RUNDC3B: variants seen among roughly 807,000 people sequenced by gnomAD.
The protein encoded by RUNDC3B is RUN domain containing 3B.
In RUNDC3B, 33 loss-of-function variants were observed where a neutral mutation model predicts 58.4. The observed-to-expected ratio is 0.56, with a 90% confidence interval of 0.43 to 0.75. The LOEUF (loss-of-function observed/expected upper bound fraction) is 0.75. Among genes scored for constraint, RUNDC3B ranks in the 30% least tolerant of loss-of-function variants. The pLI is 0.00. For missense variants in RUNDC3B, 501 were observed against 535.7 expected (o/e 0.94, Z 0.64); for synonymous variants, 193 against 195.2 (o/e 0.99, Z 0.10).
chr7:87,687,793 T>G (rs1425264771), intron 2 of RUNDC3B, among the ~76,000 whole-genome samples: 1 of 152,206 alleles, frequency 6.6e-6, no homozygotes, highest in East Asian at 1.9e-4. Context: ...GAACTCTGGC[T>G]TGAACCTCAA....
chr7:87,818,225 TA>T (rs1394186434), intron 10 of RUNDC3B, among the ~76,000 whole-genome samples: 2 of 152,214 alleles, frequency 1.3e-5, no homozygotes, highest in Non-Finnish European at 2.9e-5. Flanking sequence ...AGGACAAGAG[TA>T]ATAATGAGCA....
At chr7:87,743,461 C>T (rs1361718743) in intron 6 of RUNDC3B, among the ~76,000 whole-genome samples, 1 of 152,176 alleles carries the variant, frequency 6.6e-6, no homozygotes, top group Non-Finnish European at 1.5e-5. Flanking sequence ...CTGTTTGCTG[C>T]ATCCACACCA....
chr7:87,662,494 A>G (rs1206676795), intron 2 of RUNDC3B, among the ~76,000 whole-genome samples: 1 of 152,126 alleles, frequency 6.6e-6, no homozygotes, highest in Non-Finnish European at 1.5e-5. Context: ...TCCCAGCACC[A>G]TTTATTGAAG....
intron 1 of RUNDC3B, among the ~76,000 whole-genome samples, chr7:87,632,272 T>C (rs1414324205): frequency 6.6e-6 from 1 of 152,236 alleles, no homozygotes; most frequent in East Asian, 1.9e-4. Flanking sequence ...AAAGCTTTAT[T>C]CAAGTGCAAT....
At chr7:87,685,779 A>G (rs1827397427) in intron 2 of RUNDC3B, among the ~76,000 whole-genome samples, 2 of 152,166 alleles carry the variant, frequency 1.3e-5, no homozygotes, top group Admixed American at 1.3e-4. Context: ...CTATTTTTCA[A>G]AACTCATAGC....
At chr7:87,731,357 A>T (rs1353521198) in intron 4 of RUNDC3B, among the ~76,000 whole-genome samples, 1 of 152,198 alleles carries the variant, frequency 6.6e-6, no homozygotes, top group Admixed American at 6.5e-5. Flanking sequence ...AAGGAAGAAA[A>T]CATCACAAAA....
chr7:87,751,919 G>A (rs1027035957), intron 6 of RUNDC3B, among the ~76,000 whole-genome samples: 5 of 152,272 alleles, frequency 3.3e-5, no homozygotes, highest in African/African-American at 1.2e-4. Flanking sequence ...ATGTTGAATA[G>A]GAGTGGTGAG....
intron 10 of RUNDC3B, among the ~76,000 whole-genome samples, chr7:87,820,904 C>T (rs1047117135): frequency 5.3e-5 from 8 of 151,958 alleles, no homozygotes; most frequent in Non-Finnish European, 7.4e-5. Flanking sequence ...TAATAAAGAG[C>T]TATCTATGAC....
At chr7:87,714,276 G>C (rs552087971) in intron 4 of RUNDC3B, among the ~76,000 whole-genome samples, 1 of 152,164 alleles carries the variant, frequency 6.6e-6, no homozygotes, top group East Asian at 1.9e-4. Flanking sequence ...GGTCCAGGGG[G>C]GTCACTACCT....
At chr7:87,792,487 C>CA (rs930348397) in intron 8 of RUNDC3B, among the ~76,000 whole-genome samples, 3 of 151,852 alleles carry the variant, frequency 2.0e-5, no homozygotes, top group African/African-American at 4.8e-5. Flanking sequence ...TTAAAACATT[C>CA]AAAAAAATTG....
At chr7:87,809,210 C>G (rs1836583870) in intron 9 of RUNDC3B, among the ~76,000 whole-genome samples, 1 of 152,128 alleles carries the variant, frequency 6.6e-6, no homozygotes. Context: ...TAGCATGGAT[C>G]TAGATTTTAT....
At position 87,820,521 on chromosome 7, in the gene RUNDC3B, C is replaced by T. The variant is rs573764369; in HGVS notation, c.1225+4259C>T. ...CCAATCAATAGAAAAAGAGAGAATC[C>T]TCCCTAACTCATTTTATGAGGCCAG... On this transcript the variant is annotated intron_variant, in intron 10 of 10. Transcript: ENST00000394654. Among the ~76,000 whole-genome samples the T allele has an allele frequency of 5.9e-5, 9 of 152,274 alleles. No individual in the cohort carries two copies. The East Asian group carries it at 1.5e-3, about 26-fold the overall frequency.
intron 2 of RUNDC3B, among the ~76,000 whole-genome samples, chr7:87,699,630 T>G (rs1828836930): frequency 6.6e-6 from 1 of 152,212 alleles, no homozygotes; most frequent in Admixed American, 6.5e-5. Context: ...GGCCTCGAAC[T>G]CCTGGCCTCA....
chr7:87,794,355 AACCCAGG>A (rs1374363733), intron 8 of RUNDC3B, among the ~76,000 whole-genome samples: 3 of 152,168 alleles, frequency 2.0e-5, no homozygotes, highest in African/African-American at 7.2e-5. Context: ...GAATTGCTTG[AACCCAGG>A]AGGCGGAGGT....
At chr7:87,730,724 T>C (rs769665673) in intron 4 of RUNDC3B, among the ~76,000 whole-genome samples, 13 of 151,850 alleles carry the variant, frequency 8.6e-5, no homozygotes, top group Non-Finnish European at 1.5e-4. Flanking sequence ...ACATAAGTGG[T>C]AGCCAGGCAG....
intron 1 of RUNDC3B, among the ~76,000 whole-genome samples, chr7:87,648,184 C>CA (rs138383809): frequency 0.12 from 7,847 of 64,930 alleles, 471 homozygotes; most frequent in East Asian, 0.41. Context: ...GACTCTGTCT[C>CA]AAAAAAAAAA....
At chr7:87,754,634 A>G (rs184887988) in intron 6 of RUNDC3B, among the ~76,000 whole-genome samples, 179 of 152,300 alleles carry the variant, frequency 1.2e-3, no homozygotes, top group Admixed American at 3.8e-3. Flanking sequence ...AATTCAAAAC[A>G]TCAACGAATC....
At chr7:87,817,302 G>C (rs1034860407) in intron 10 of RUNDC3B, among the ~76,000 whole-genome samples, 14 of 152,188 alleles carry the variant, frequency 9.2e-5, no homozygotes, top group African/African-American at 2.9e-4. Context: ...GGAGCAAGCT[G>C]CTTGCCCCCT....
At chr7:87,653,427 A>G (rs1823777277) in intron 2 of RUNDC3B, among the ~76,000 whole-genome samples, 1 of 152,084 alleles carries the variant, frequency 6.6e-6, no homozygotes, top group African/African-American at 2.4e-5. Context: ...CAGCTAGCAC[A>G]AAGGATCACA....
Sources: allele counts gnomAD v4.1 joint callset (sites outside exome capture counted in the v4.1 genomes callset), GRCh38; gene constraint gnomAD v4.1.1; transcripts MANE v1.5; gene names NCBI Gene and HGNC (gene_info 2026-07-23, HGNC 2026-07-21).